SCAI: variants seen among roughly 807,000 people sequenced by gnomAD.
SCAI encodes the protein suppressor of cancer cell invasion, also known as protein SCAI.
Under a neutral mutation model 92.2 loss-of-function variants are expected in SCAI, and 24 were observed. That is an observed-to-expected ratio of 0.26 (90% confidence interval 0.19 to 0.37). The LOEUF is 0.37. Ranked by LOEUF, SCAI falls within the 10% of genes least tolerant of loss-of-function variation. The probability of loss-of-function intolerance (pLI) is 1.00; values close to 1 mark genes in which losing one functional copy is unlikely to be tolerated. For missense variants in SCAI, 450 were observed against 736.2 expected (o/e 0.61, Z 4.50); for synonymous variants, 261 against 258.6 (o/e 1.01, Z -0.09).
chr9:125,141,863 C>G, intron 2 of SCAI, among the ~76,000 whole-genome samples: 1 of 152,276 alleles, frequency 6.6e-6, no homozygotes, highest in East Asian at 1.9e-4. Context: ...TTGAGGATTA[C>G]AGGAGAAGAT....
chr9:124,968,246 G>C, intron 17 of SCAI: 1 of 1,058,922 alleles, frequency 9.4e-7, no homozygotes, highest in Non-Finnish European at 1.4e-6. Flanking sequence ...TAATGAAGCT[G>C]GGGTCTTGGC....
At position 124,945,556 on chromosome 9, in the gene SCAI, A is replaced by G. The variant is rs1226849723; in HGVS notation, c.*7251T>C. 2.6e-5 allele frequency: 4 copies of G among 152,106 alleles called. No homozygotes were observed. Among genetic ancestry groups the G allele is most frequent in the Admixed American group, 2.0e-4 (3 of 15,252 alleles). The allele number at this position is 152,106 out of a possible 1,614,324, so 9.4% of individuals were successfully genotyped here. ...GGCAACGAGCAAAACTCCATCTCAA[A>G]AAAAAAAAAATTATTAATTTTTAAA... On this transcript the variant is annotated 3_prime_UTR_variant, in exon 18 of 18. Coordinates refer to ENST00000336505, the MANE Select transcript of SCAI (RefSeq NM_001144877.3).
chr9:124,980,246 C>A (rs1015154782), intron 14 of SCAI, among the ~76,000 whole-genome samples: 1 of 151,538 alleles, frequency 6.6e-6, no homozygotes, highest in African/African-American at 2.4e-5. Context: ...ATGGACATTG[C>A]TATTATTTAT....
chr9:125,058,825 A>G (rs1222847097), intron 2 of SCAI, among the ~76,000 whole-genome samples: 1 of 152,238 alleles, frequency 6.6e-6, no homozygotes, highest in Admixed American at 6.5e-5. Context: ...ATCTTGTGGT[A>G]GTAAGCAAGA....
chr9:125,085,280 G>A (rs1041815853), intron 2 of SCAI, among the ~76,000 whole-genome samples: 4 of 151,672 alleles, frequency 2.6e-5, no homozygotes, highest in African/African-American at 9.7e-5. Flanking sequence ...TGAGGTCAGG[G>A]GTTCGAGACC....
At position 124,950,746 on chromosome 9, in the gene SCAI, A is replaced by C. The variant is rs891878046; in HGVS notation, c.*2061T>G. On this transcript the variant is annotated 3_prime_UTR_variant, in exon 18 of 18. Coordinates refer to ENST00000336505, the MANE Select transcript of SCAI (RefSeq NM_001144877.3). ...AATACTGTTTGAAAGAACAAACAAA[A>C]AAATTTTTAAAAAGTAAACAGGCCA... 8 of 152,140 alleles carry C rather than the reference A, an allele frequency of 5.3e-5. No homozygotes were observed. Among genetic ancestry groups the C allele is most frequent in the African/African-American group, 1.7e-4 (7 of 41,438 alleles). 9.4% of individuals were successfully genotyped at this position (152,140 alleles called of 1,614,324 possible).
At chr9:125,029,599 T>C (rs1833031491) in intron 4 of SCAI, 45 bp downstream of exon 4, 1 of 1,216,894 alleles carries the variant, frequency 8.2e-7, no homozygotes, top group Admixed American at 1.9e-5. Context: ...CTGTGACTAA[T>C]ACAAAACAGG....
At chr9:125,081,183 G>A (rs1206069017) in intron 2 of SCAI, among the ~76,000 whole-genome samples, 1 of 152,202 alleles carries the variant, frequency 6.6e-6, no homozygotes, top group Non-Finnish European at 1.5e-5. Flanking sequence ...ACAGTGGAGT[G>A]GGGCTTGCTG....
intron 2 of SCAI, among the ~76,000 whole-genome samples, chr9:125,073,287 G>A (rs1834019346): frequency 6.7e-6 from 1 of 150,064 alleles, no homozygotes; most frequent in South Asian, 2.1e-4. Context: ...TGTATTTTTA[G>A]TAGAGACGGG....
intron 9 of SCAI, among the ~76,000 whole-genome samples, chr9:125,017,273 T>C (rs900185842): frequency 6.6e-6 from 1 of 152,220 alleles, no homozygotes; most frequent in African/African-American, 2.4e-5. Context: ...TGGTCTCTTT[T>C]GTTTTTAGTC....
At chr9:125,117,760 G>C (rs1292856482) in intron 2 of SCAI, among the ~76,000 whole-genome samples, 1 of 151,460 alleles carries the variant, frequency 6.6e-6, no homozygotes, top group Admixed American at 6.6e-5. Flanking sequence ...TTATTTTATG[G>C]GACTTCAATA....
At chr9:125,062,246 C>T (rs542183296) in intron 2 of SCAI, among the ~76,000 whole-genome samples, 2 of 151,724 alleles carry the variant, frequency 1.3e-5, no homozygotes, top group South Asian at 2.1e-4. Flanking sequence ...CTATCTCAAC[C>T]TCTTGAGTAG....
chr9:125,055,983 G>A lies in SCAI; in HGVS notation c.123C>T (p.Ile41=). 1.9e-6 allele frequency: 3 copies of A among 1,608,868 alleles called. No individual in the cohort carries two copies. Among genetic ancestry groups the A allele is most frequent in the Non-Finnish European group, 2.5e-6 (3 of 1,176,814 alleles). The stretch of plus-strand genomic sequence containing the variant: ...CATCTTCAGCACCTCCAGAGGACAT[G>A]ATTTCTTTAAGAGCAAATTCAGTCC... ...RSRTEFALKE[I]MSSGGAEDDI... The change falls in exon 3 of 18, where the codon ATC becomes ATT. Residue 41 remains isoleucine (I), a synonymous_variant. Transcript: ENST00000336505.
chr9:125,005,482 C>T (rs1430071218), intron 9 of SCAI, among the ~76,000 whole-genome samples: 1 of 152,094 alleles, frequency 6.6e-6, no homozygotes, highest in Non-Finnish European at 1.5e-5. Context: ...CAGGCATGTG[C>T]CACCATGCCC....
At chr9:125,029,000 G>A (rs1833018888) in intron 4 of SCAI, among the ~76,000 whole-genome samples, 1 of 152,108 alleles carries the variant, frequency 6.6e-6, no homozygotes, top group African/African-American at 2.4e-5. Flanking sequence ...GTTTCACCAT[G>A]TTAGCCAGGC....
chr9:124,995,521 G>A (rs967942996), intron 13 of SCAI, among the ~76,000 whole-genome samples: 29 of 151,492 alleles, frequency 1.9e-4, no homozygotes, highest in Admixed American at 1.3e-3. Context: ...GTCTTGCTCC[G>A]TGGCCCAGGC....
chr9:125,101,946 C>CATCAAGCTGTTATG (rs1834687489), intron 2 of SCAI, among the ~76,000 whole-genome samples: 1 of 152,158 alleles, frequency 6.6e-6, no homozygotes. Context: ...GTTATGTGAA[C>CATCAAGCTGTTATG]TTCTTAGCTT....
chr9:125,028,940 G>C (rs1473401507), intron 4 of SCAI, among the ~76,000 whole-genome samples: 2 of 151,912 alleles, frequency 1.3e-5, no homozygotes, highest in African/African-American at 4.8e-5. Context: ...TGGGATTACA[G>C]GTGTGCACCA....
chr9:124,957,564 G>T (rs1018046104), intron 17 of SCAI, among the ~76,000 whole-genome samples: 6 of 146,890 alleles, frequency 4.1e-5, no homozygotes, highest in Non-Finnish European at 7.5e-5. Flanking sequence ...TAAAGATGAG[G>T]TTTCACCACC....
Sources: allele counts gnomAD v4.1 joint callset (sites outside exome capture counted in the v4.1 genomes callset), GRCh38; gene constraint gnomAD v4.1.1; transcripts MANE v1.5; gene names NCBI Gene and HGNC (gene_info 2026-07-23, HGNC 2026-07-21).